DNAH3: variants seen among roughly 807,000 people sequenced by gnomAD.
The protein encoded by DNAH3 is dynein axonemal heavy chain 3, also known as axonemal beta dynein heavy chain 3.
A neutral mutation model predicts 432.5 loss-of-function variants in DNAH3; 332 were observed. That is an observed-to-expected ratio of 0.77 (90% CI 0.70 to 0.84). The LOEUF is 0.84. Ranked by LOEUF, DNAH3 falls within the 40% of genes least tolerant of loss-of-function variation. The pLI is 0.00. For missense variants in DNAH3, 4,861 were observed against 5,114.0 expected (o/e 0.95, Z 1.51); for synonymous variants, 1,956 against 1,900.2 (o/e 1.03, Z -0.76).
chr16:20,987,573 G>A (rs2086259545), intron 46 of DNAH3, 120 bp downstream of exon 46: 5 of 1,534,010 alleles, frequency 3.3e-6, no homozygotes, highest in East Asian at 2.3e-5. Context: ...AAAATGCTTA[G>A]CACAATGCCT....
intron 16 of DNAH3, among the ~76,000 whole-genome samples, chr16:21,099,278 A>ATGGATGAATGGATGGATGGT (rs2091775345): frequency 2.0e-5 from 3 of 152,238 alleles, no homozygotes; most frequent in Non-Finnish European, 4.4e-5. Context: ...GGATGGACAG[A>ATGGATGAATGGATGGATGGT]TGGATGGATG....
At chr16:20,978,198 G>A (rs556027102) in intron 50 of DNAH3, among the ~76,000 whole-genome samples, 8 of 152,192 alleles carry the variant, frequency 5.3e-5, no homozygotes, top group Non-Finnish European at 1.2e-4. Flanking sequence ...GCCCTATGCA[G>A]TGAAAACTGC....
At chr16:21,019,779 A>G in exon 41 of DNAH3, 6 of 1,614,170 alleles carry the variant, frequency 3.7e-6, no homozygotes, top group Non-Finnish European at 5.1e-6. Flanking sequence ...CAAGGAAAAG[A>G]GAAACAGTCC....
chr16:21,131,586 T>A (rs6497528), intron 7 of DNAH3, among the ~76,000 whole-genome samples: 42,633 of 151,314 alleles, frequency 0.28, 6,151 homozygotes, highest in African/African-American at 0.33. Flanking sequence ...GTGGTGGCTC[T>A]TGCCTGTAAT....
At chr16:20,990,242 C>T (rs915705126) in intron 44 of DNAH3, among the ~76,000 whole-genome samples, 2 of 152,204 alleles carry the variant, frequency 1.3e-5, no homozygotes, top group African/African-American at 4.8e-5. Context: ...ATCCATTCTC[C>T]CCTGCTAATT....
intron 54 of DNAH3, among the ~76,000 whole-genome samples, chr16:20,956,679 T>TA (rs1397360338): frequency 6.6e-6 from 1 of 152,214 alleles, no homozygotes; most frequent in Non-Finnish European, 1.5e-5. Context: ...TTCTTTTTTT[T>TA]AAAGATTAAG....
intron 21 of DNAH3, among the ~76,000 whole-genome samples, chr16:21,074,538 A>T (rs766730882): frequency 6.6e-6 from 1 of 151,888 alleles, no homozygotes; most frequent in Non-Finnish European, 1.5e-5. Context: ...ACATGATGAA[A>T]CCCCATCTCT....
At chr16:21,061,524 C>T (rs1030223766) in intron 25 of DNAH3, among the ~76,000 whole-genome samples, 2 of 152,122 alleles carry the variant, frequency 1.3e-5, no homozygotes, top group Non-Finnish European at 2.9e-5. Flanking sequence ...ACGCCCGGCC[C>T]ATTTTTAATA....
chr16:21,086,809 G>C (rs530612897), intron 19 of DNAH3, 40 bp downstream of exon 19: 46 of 1,574,450 alleles, frequency 2.9e-5, no homozygotes, highest in Non-Finnish European at 3.8e-5. Flanking sequence ...GGCCAGGCCT[G>C]GGCTGCGCTG....
chr16:20,996,292 G>T (rs1167838556), intron 44 of DNAH3, among the ~76,000 whole-genome samples: 10 of 152,136 alleles, frequency 6.6e-5, no homozygotes, highest in Non-Finnish European at 1.2e-4. Context: ...GATACGTGTA[G>T]ATTTTTCTCT....
chr16:20,989,968 A>T (rs1597077268), intron 44 of DNAH3, among the ~76,000 whole-genome samples: 1 of 152,138 alleles, frequency 6.6e-6, no homozygotes, highest in Admixed American at 6.5e-5. Flanking sequence ...CCCACCCGGA[A>T]CTCCAGCTGG....
intron 41 of DNAH3, among the ~76,000 whole-genome samples, chr16:21,011,268 T>C (rs1006235803): frequency 4.6e-5 from 7 of 152,264 alleles, no homozygotes; most frequent in African/African-American, 7.2e-5. Context: ...GAAAACAACA[T>C]GTGGAGCCTG....
chr16:21,098,228 G>A (rs1249314463), intron 17 of DNAH3, among the ~76,000 whole-genome samples: 1 of 151,808 alleles, frequency 6.6e-6, no homozygotes, highest in African/African-American at 2.4e-5. Context: ...GATCACTTGG[G>A]GTCAGGAGTT....
At chr16:20,970,703 T>C (rs528611931) in intron 51 of DNAH3, among the ~76,000 whole-genome samples, 1 of 152,264 alleles carries the variant, frequency 6.6e-6, no homozygotes, top group East Asian at 1.9e-4. Context: ...CACAGTAATT[T>C]TGGTATCATT....
At chr16:21,001,308 C>T (rs893419394) in intron 42 of DNAH3, among the ~76,000 whole-genome samples, 1 of 152,172 alleles carries the variant, frequency 6.6e-6, no homozygotes, top group Non-Finnish European at 1.5e-5. Context: ...CATTTGGCTA[C>T]ATTTTGTCCC....
intron 44 of DNAH3, among the ~76,000 whole-genome samples, chr16:20,991,804 C>G (rs78532806): frequency 0.016 from 2,394 of 152,270 alleles, 77 homozygotes; most frequent in African/African-American, 0.053. Flanking sequence ...TTGGCCAGAC[C>G]ATAGGTGGTG....
chr16:21,097,532 T>C (rs774085505), intron 17 of DNAH3, 33 bp from the exon 18 acceptor site: 6 of 1,609,080 alleles, frequency 3.7e-6, no homozygotes, highest in Non-Finnish European at 5.1e-6. Context: ...GTTTATGGGA[T>C]GGGTTGTTCT....
At chr16:21,028,506 C>CAAA (rs796929596) in intron 37 of DNAH3, among the ~76,000 whole-genome samples, 1 of 80,172 alleles carries the variant, frequency 1.2e-5, no homozygotes, top group Non-Finnish European at 2.9e-5. Context: ...ACTAAAAGTA[C>CAAA]AAAAAAAAAA....
intron 46 of DNAH3, 89 bp downstream of exon 46, chr16:20,987,604 T>C (rs2152673564): frequency 1.3e-6 from 2 of 1,559,136 alleles, no homozygotes; most frequent in African/African-American, 2.7e-5. Context: ...AAGTGCCTAA[T>C]AAAAGTTAGC....
Sources: allele counts gnomAD v4.1 joint callset (sites outside exome capture counted in the v4.1 genomes callset), GRCh38; gene constraint gnomAD v4.1.1; transcripts MANE v1.5; gene names NCBI Gene and HGNC (gene_info 2026-07-23, HGNC 2026-07-21).